Variants in RAPSN observed in about 807,000 individuals in gnomAD.
RAPSN encodes receptor associated protein of the synapse, also known as 43 kDa receptor-associated protein of the synapse.
Under a neutral mutation model 45.7 loss-of-function variants are expected in RAPSN, and 33 were observed. The ratio of observed to expected loss-of-function variants is 0.72; its 90% CI spans 0.55 to 0.97. RAPSN has a LOEUF of 0.97. RAPSN is among the 50% of genes least tolerant of loss of function. The probability of loss-of-function intolerance (pLI) is 0.00; values close to 1 mark genes in which losing one functional copy is unlikely to be tolerated. For synonymous variants in RAPSN, 244 were observed against 233.6 expected (o/e 1.04, Z -0.40); for missense variants, 519 against 559.4 (o/e 0.93, Z 0.73).
Position 47,448,037 on chromosome 11 carries a change from G to T in RAPSN, c.306C>A (p.Thr102=). 6.2e-7 allele frequency: 1 copy of T among 1,613,996 alleles called. No homozygotes were observed. Among genetic ancestry groups the T allele is most frequent in the Non-Finnish European group, 8.5e-7 (1 of 1,179,998 alleles). Residue 102 remains threonine, a synonymous_variant, in exon 2 of 8, where the codon ACC becomes ACA. Transcript: ENST00000298854. ...SNEKLCEFHK[T]ISYCKTCLGL... ...CAAGGCAGGTCTTGCAGTAGGAGAT[G>T]GTCTTGTGAAACTCGCACAGCTTCT...
rs370123138 is a variant in RAPSN, at chr11:47,438,033, T to C, written c.1181A>G (p.Asn394Ser). Residue 394 changes from asparagine (N) to serine (S), a missense_variant, in exon 8 of 8, where the codon AAC (asparagine) becomes AGC (serine). Physicochemically the swap from Asn to Ser is conservative, Grantham distance 46. Transcript: ENST00000298854. ...HIFHLRCLQN[N>S]GTRSCPNCRR... ...GCAGTTGGGACAGCTCCGGGTCCCG[T>C]TGTTCTGCAGGCACCTGGGGAGGCA... 5 of 1,549,774 alleles carry C rather than the reference T, an allele frequency of 3.2e-6. No homozygotes were observed. The highest frequency in any genetic ancestry group is 4.4e-6 in the Non-Finnish European group (5 of 1,146,898).
chr11:47,438,651 T>G (rs2076334096), intron 7 of RAPSN, 81 bp downstream of exon 7: 1 of 1,488,452 alleles, frequency 6.7e-7, no homozygotes, highest in Non-Finnish European at 9.2e-7. Flanking sequence ...TTAGTATTAT[T>G]GCTGTGATTA....
At position 47,448,141 on chromosome 11, in the gene RAPSN, C is replaced by T. The variant is rs200892332; in HGVS notation, c.202G>A (p.Val68Ile). Residue 68 changes from valine to isoleucine, a missense_variant, in exon 2 of 8, where the codon GTC (valine) becomes ATC (isoleucine). Coordinates refer to ENST00000298854, the MANE Select transcript of RAPSN (RefSeq NM_005055.5). ...RYKEMLKFAV[V>I]QIDTARELED... is the part of the protein sequence containing the mutation. Reference sequence around the variant, plus strand: ...AGCTCCCGGGCCGTGTCGATCTGGACCACAGCGAACTGCACACAGCGACGG... The same window carrying T: ...AGCTCCCGGGCCGTGTCGATCTGGATCACAGCGAACTGCACACAGCGACGG... 6.3e-5 allele frequency: 102 copies of T among 1,611,276 alleles called. No homozygotes were observed. The highest frequency in any genetic ancestry group is 8.0e-5 in the Non-Finnish European group (94 of 1,179,964).
intron 1 of RAPSN, among the ~76,000 whole-genome samples, 164 bp from the exon 2 acceptor site, chr11:47,448,314 G>A (rs1050154753): frequency 2.0e-4 from 31 of 151,460 alleles, no homozygotes; most frequent in African/African-American, 7.0e-4. Context: ...GCTTCTACCC[G>A]CCAGCCTCAG....
intron 2 of RAPSN, among the ~76,000 whole-genome samples, chr11:47,443,671 G>T (rs146945105): frequency 6.6e-6 from 1 of 151,996 alleles, no homozygotes; most frequent in African/African-American, 2.4e-5. Flanking sequence ...AGTGGTTCAC[G>T]CCTGGAATCC....
Position 47,437,848 on chromosome 11 carries a change from G to A in RAPSN, c.*127C>T, listed in dbSNP as rs1199759485. ...GCTGGGCCCAGGGGAGCAGCCCTGGGCAGGCCCCAAGGCCTTGGCTATGGT... is the reference window on the plus strand; with the variant it reads ...GCTGGGCCCAGGGGAGCAGCCCTGGACAGGCCCCAAGGCCTTGGCTATGGT... On this transcript the variant is annotated 3_prime_UTR_variant, in exon 8 of 8. Coordinates refer to ENST00000298854, the MANE Select transcript of RAPSN (RefSeq NM_005055.5). 2.5e-6 allele frequency: 3 copies of A among 1,212,316 alleles called. No individual in the cohort carries two copies. The highest frequency in any genetic ancestry group is 3.6e-6 in the Non-Finnish European group (3 of 843,956). 75.1% of individuals were successfully genotyped at this position (1,212,316 alleles called of 1,614,324 possible). A position where few individuals can be genotyped will look rare whatever the true frequency, so the allele number is the denominator to read the frequency against.
At chr11:47,445,989 A>C (rs989489685) in intron 2 of RAPSN, among the ~76,000 whole-genome samples, 1 of 151,112 alleles carries the variant, frequency 6.6e-6, no homozygotes, top group Non-Finnish European at 1.5e-5. Context: ...AATGCAGTGG[A>C]ACACTCATGG....
chr11:47,443,965 G>GA (rs2076385442), intron 2 of RAPSN, among the ~76,000 whole-genome samples: 2 of 91,626 alleles, frequency 2.2e-5, no homozygotes, highest in African/African-American at 8.0e-5. Flanking sequence ...AAAAAGAAAA[G>GA]AAAAGAAAAG....
At chr11:47,445,985 G>T (rs1196292473) in intron 2 of RAPSN, among the ~76,000 whole-genome samples, 1 of 151,574 alleles carries the variant, frequency 6.6e-6, no homozygotes, top group Non-Finnish European at 1.5e-5. Flanking sequence ...CTGGAATGCA[G>T]TGGAACACTC....
chr11:47,438,168 A>G, intron 7 of RAPSN, 121 bp from the exon 8 acceptor site: 2 of 1,202,064 alleles, frequency 1.7e-6, no homozygotes, highest in South Asian at 2.6e-5. Flanking sequence ...GTTCAGCAGC[A>G]GTGGAAGGGA....
chr11:47,443,931 C>CA (rs1161231934), intron 2 of RAPSN, among the ~76,000 whole-genome samples: 598 of 13,964 alleles, frequency 0.043, 127 homozygotes, highest in Middle Eastern at 0.12. Flanking sequence ...CTCTGTCTCA[C>CA]AAAAAAAAAA....
chr11:47,443,485 C>T (rs2076380892), intron 2 of RAPSN, among the ~76,000 whole-genome samples: 1 of 152,214 alleles, frequency 6.6e-6, no homozygotes. Flanking sequence ...CTCCCACGCT[C>T]CCTGCCTCCT....
chr11:47,439,455 T>C (rs2076345832), intron 6 of RAPSN, among the ~76,000 whole-genome samples: 1 of 147,442 alleles, frequency 6.8e-6, no homozygotes, highest in Middle Eastern at 3.5e-3. Context: ...GCCTGGGCTC[T>C]AATAGTGAAA....
At chr11:47,444,857 CAAAAAA>C (rs10611957) in intron 2 of RAPSN, among the ~76,000 whole-genome samples, 1 of 80,720 alleles carries the variant, frequency 1.2e-5, no homozygotes, top group African/African-American at 5.4e-5. Context: ...GACACTGTCT[CAAAAAA>C]AAAAAAAAAA....
intron 7 of RAPSN, 58 bp downstream of exon 7, chr11:47,438,674 C>T: frequency 1.3e-6 from 2 of 1,536,988 alleles, no homozygotes; most frequent in Non-Finnish European, 8.8e-7. Context: ...CCAGCTGGGC[C>T]CTAGAGTGCC....
intron 5 of RAPSN, 70 bp from the exon 6 acceptor site, chr11:47,441,282 G>A (rs2153308262): frequency 6.3e-7 from 1 of 1,588,358 alleles, no homozygotes; most frequent in African/African-American, 1.3e-5. Flanking sequence ...GGGAAGCACA[G>A]GGTAGGGGGG....
Position 47,441,681 on chromosome 11 carries a change from T to C in RAPSN, c.842A>G (p.Asn281Ser). The change falls in exon 5 of 8, where the codon AAC (asparagine) becomes AGC (serine). Residue 281 changes from asparagine to serine, a missense_variant. By Grantham distance (46) the Asn-to-Ser change is conservative (BLOSUM62 1). Coordinates refer to ENST00000298854, the MANE Select transcript of RAPSN (RefSeq NM_005055.5). ...SAMSIMTEIG[N>S]RLGQVQALLG... ...CAGCGCCTGCACCTGCCCCAGGCGG[T>C]TTCCGATCTCGGTCATGATGCTCAT... The C allele has an allele frequency of 1.9e-6, 3 of 1,609,854 alleles. No homozygotes were observed. Among genetic ancestry groups the C allele is most frequent in the Non-Finnish European group, 2.5e-6 (3 of 1,179,846 alleles).
intron 2 of RAPSN, among the ~76,000 whole-genome samples, 172 bp downstream of exon 2, chr11:47,447,640 G>A (rs1394537751): frequency 1.3e-5 from 2 of 152,168 alleles, no homozygotes; most frequent in African/African-American, 4.8e-5. Context: ...GCCCTTGCTG[G>A]CTTCCTGGCC....
At chr11:47,439,712 A>ATTTTTTTTTTTTT (rs3972616) in intron 6 of RAPSN, among the ~76,000 whole-genome samples, 1 of 127,272 alleles carries the variant, frequency 7.9e-6, no homozygotes. Flanking sequence ...GATTATGACG[A>ATTTTTTTTTTTTT]TTTTTTTTTT....
Sources: gnomAD v4.1 joint callset for allele counts (sites outside exome capture counted in the v4.1 genomes callset) on GRCh38, gnomAD v4.1.1 for gene constraint, MANE v1.5 for transcripts, NCBI Gene and HGNC (gene_info 2026-07-23, HGNC 2026-07-21) for gene names.